MALRD1: variants seen among roughly 807,000 people sequenced by gnomAD.
The protein encoded by MALRD1 is MAM and LDL receptor class A domain containing 1.
A neutral mutation model predicts 242.1 loss-of-function variants in MALRD1; 247 were observed. That is an observed-to-expected ratio of 1.02 (90% CI 0.92 to 1.13). The LOEUF (loss-of-function observed/expected upper bound fraction) is 1.13, where lower values mean the gene tolerates loss of function less well. MALRD1 is among the 50% of genes most tolerant of loss of function. The pLI, the probability that MALRD1 is intolerant of heterozygous loss-of-function variation, is 0.00. For missense variants in MALRD1, 2,989 were observed against 2,533.1 expected (o/e 1.18, Z -3.86); for synonymous variants, 995 against 866.6 (o/e 1.15, Z -2.60).
chr10:19,414,334 C>T (rs1219076516), intron 28 of MALRD1, among the ~76,000 whole-genome samples: 1 of 152,054 alleles, frequency 6.6e-6, no homozygotes. Flanking sequence ...AAGATACAAC[C>T]TATGTGATAA....
intron 32 of MALRD1, among the ~76,000 whole-genome samples, chr10:19,559,164 C>G (rs909528871): frequency 5.3e-5 from 8 of 151,756 alleles, no homozygotes; most frequent in Non-Finnish European, 1.0e-4. Flanking sequence ...GCCTGGGTGA[C>G]AGAACAAGAC....
intron 5 of MALRD1, among the ~76,000 whole-genome samples, chr10:19,112,435 A>T (rs1007556320): frequency 6.6e-6 from 1 of 152,292 alleles, no homozygotes; most frequent in East Asian, 1.9e-4. Flanking sequence ...TGGATGCAAG[A>T]AAACAGGCAA....
At chr10:19,615,516 CAAAA>C (rs530920512) in intron 35 of MALRD1, among the ~76,000 whole-genome samples, 1 of 37,222 alleles carries the variant, frequency 2.7e-5, no homozygotes, top group African/African-American at 1.4e-4. Context: ...GACCCTGCCT[CAAAA>C]AAAAAAAAAA....
intron 5 of MALRD1, among the ~76,000 whole-genome samples, chr10:19,113,676 T>A (rs1836763052): frequency 6.6e-6 from 1 of 151,874 alleles, no homozygotes; most frequent in Non-Finnish European, 1.5e-5. Context: ...GTTTTTGATA[T>A]GTCCTTCCAC....
intron 36 of MALRD1, among the ~76,000 whole-genome samples, chr10:19,674,082 G>A (rs1842041927): frequency 1.3e-5 from 2 of 152,062 alleles, no homozygotes; most frequent in African/African-American, 4.8e-5. Flanking sequence ...GGTATAATTT[G>A]AGTTAAGACC....
At chr10:19,265,033 A>T (rs1383575914) in intron 19 of MALRD1, among the ~76,000 whole-genome samples, 3 of 151,936 alleles carry the variant, frequency 2.0e-5, no homozygotes, top group Non-Finnish European at 4.4e-5. Flanking sequence ...AATTTCTTGG[A>T]GTATAATTGT....
At chr10:19,372,346 C>T (rs963278390) in intron 26 of MALRD1, among the ~76,000 whole-genome samples, 2 of 151,746 alleles carry the variant, frequency 1.3e-5, no homozygotes, top group African/African-American at 4.8e-5. Flanking sequence ...CAAAAATTAG[C>T]GTTATAAATA....
chr10:19,205,588 G>A lies in MALRD1; in HGVS notation c.2578+323G>A, dbSNP rs1188265232. On this transcript the variant is annotated intron_variant, in intron 17 of 39. Coordinates refer to ENST00000454679, the MANE Select transcript of MALRD1 (RefSeq NM_001142308.3). ...AAATGGTAGCTTTGATAGGAGCGAT[G>A]AAGAAGAGTGCTGTGACCTTATATA... Among the ~76,000 whole-genome samples the A allele has an allele frequency of 2.0e-5, 3 of 152,166 alleles. No homozygotes were observed. In the South Asian group the frequency reaches 6.2e-4, roughly 32 times the overall value.
intron 5 of MALRD1, among the ~76,000 whole-genome samples, chr10:19,123,057 C>T (rs1012730351): frequency 7.9e-5 from 12 of 152,148 alleles, no homozygotes; most frequent in African/African-American, 2.9e-4. Flanking sequence ...TTTGAGAAAG[C>T]TCCAGAGAAA....
chr10:19,697,510 G>A (rs60029230), intron 38 of MALRD1, among the ~76,000 whole-genome samples: 5,990 of 151,452 alleles, frequency 0.04, 363 homozygotes, highest in African/African-American at 0.12. Context: ...CCAAACAATC[G>A]GGCATCATAG....
chr10:19,636,606 A>T (rs114196983), intron 36 of MALRD1, among the ~76,000 whole-genome samples: 4 of 152,186 alleles, frequency 2.6e-5, no homozygotes, highest in Non-Finnish European at 5.9e-5. Context: ...ATGTATTTCA[A>T]CCAGTACAGT....
chr10:19,634,062 A>C (rs1840025043), intron 36 of MALRD1, among the ~76,000 whole-genome samples: 1 of 151,834 alleles, frequency 6.6e-6, no homozygotes, highest in Non-Finnish European at 1.5e-5. Context: ...GCTGGTCTTG[A>C]ACTCCTGACC....
At chr10:19,285,663 G>A (rs899766313) in intron 21 of MALRD1, among the ~76,000 whole-genome samples, 3 of 139,340 alleles carry the variant, frequency 2.2e-5, no homozygotes, top group African/African-American at 5.5e-5. Flanking sequence ...TAGCCTTGTA[G>A]TATAGTTTGA....
At chr10:19,250,954 A>ATAT (rs1230693073) in intron 18 of MALRD1, among the ~76,000 whole-genome samples, 6 of 151,580 alleles carry the variant, frequency 4.0e-5, no homozygotes, top group South Asian at 2.1e-4. Flanking sequence ...TTCTCTTTTA[A>ATAT]TATTATTATT....
intron 18 of MALRD1, among the ~76,000 whole-genome samples, chr10:19,216,485 C>T (rs1837320219): frequency 6.6e-6 from 1 of 152,094 alleles, no homozygotes; most frequent in African/African-American, 2.4e-5. Flanking sequence ...CTTTCCTCCC[C>T]ACTCCCTGTT....
intron 33 of MALRD1, among the ~76,000 whole-genome samples, chr10:19,584,421 T>G (rs992357490): frequency 2.0e-5 from 3 of 151,758 alleles, no homozygotes; most frequent in Non-Finnish European, 4.4e-5. Flanking sequence ...TCTGGTATGT[T>G]GTGTCTTTGT....
At chr10:19,457,283 A>G (rs564235351) in intron 29 of MALRD1, among the ~76,000 whole-genome samples, 26 of 152,162 alleles carry the variant, frequency 1.7e-4, no homozygotes, top group Non-Finnish European at 1.0e-4. Context: ...AGCACTTGAC[A>G]TATCTGTCAA....
intron 18 of MALRD1, among the ~76,000 whole-genome samples, chr10:19,216,672 G>A (rs116903976): frequency 0.019 from 2,814 of 152,082 alleles, 109 homozygotes; most frequent in East Asian, 0.18. Context: ...CCAGCTGGGT[G>A]CGGTGGCTCA....
At chr10:19,215,200 C>A (rs1008104570) in intron 18 of MALRD1, among the ~76,000 whole-genome samples, 3 of 152,168 alleles carry the variant, frequency 2.0e-5, no homozygotes, top group African/African-American at 7.2e-5. Context: ...GATCTTGACC[C>A]TAGTTCTTTA....
Sources: allele counts gnomAD v4.1 joint callset (sites outside exome capture counted in the v4.1 genomes callset), GRCh38; gene constraint gnomAD v4.1.1; transcripts MANE v1.5; gene names NCBI Gene and HGNC (gene_info 2026-07-23, HGNC 2026-07-21).